The following SGCZ variants were observed in gnomAD, a reference collection of about 807,000 sequenced individuals.
SGCZ encodes zeta-sarcoglycan.
Under a neutral mutation model 41.3 loss-of-function variants are expected in SGCZ, and 40 were observed. The observed-to-expected ratio is 0.97, with a 90% confidence interval of 0.75 to 1.26. SGCZ has a LOEUF of 1.26. Among genes scored for constraint, SGCZ ranks in the 50% most tolerant of loss-of-function variants. The pLI is 0.00. For missense variants in SGCZ, 552 were observed against 369.8 expected, an observed-to-expected ratio of 1.49 and a Z score of -4.04; for synonymous variants, 206 against 137.5, an observed-to-expected ratio of 1.50 and a Z score of -3.49.
intron 1 of SGCZ, among the ~76,000 whole-genome samples, chr8:14,767,988 C>G (rs1388374567): frequency 6.6e-6 from 1 of 152,114 alleles, no homozygotes; most frequent in South Asian, 2.1e-4. Context: ...GATCCCAGTC[C>G]TCCATGTAAT....
intron 1 of SGCZ, among the ~76,000 whole-genome samples, chr8:15,032,145 A>G (rs1803695587): frequency 6.6e-6 from 1 of 152,160 alleles, no homozygotes; most frequent in African/African-American, 2.4e-5. Flanking sequence ...GTCTTCAGAC[A>G]TCAGTGAGAT....
rs137934797 is a variant in SGCZ, at chr8:14,212,001, T to C, written c.424+25591A>G. ...GAATGGGAACCCCTTCTTTGAATGA[T>C]CTGTCCCATCCCTAAGATAGTGACT... On this transcript the variant is annotated intron_variant, in intron 4 of 7. Transcript: ENST00000382080. 4.8e-3 allele frequency among the ~76,000 whole-genome samples: 737 copies of C among 152,280 alleles called. 2 individuals are homozygous for C. Among genetic ancestry groups the C allele is most frequent in the Middle Eastern group, 0.017 (5 of 294 alleles).
chr8:14,291,677 A>G (rs13271601), intron 3 of SGCZ, among the ~76,000 whole-genome samples: 110,086 of 141,220 alleles, frequency 0.78, 40,271 homozygotes, highest in African/African-American at 0.81. Context: ...CTTTATTCGG[A>G]AACATATATA....
chr8:14,595,001 A>G (rs77265310), intron 1 of SGCZ, among the ~76,000 whole-genome samples: 3,969 of 151,974 alleles, frequency 0.026, 207 homozygotes, highest in African/African-American at 0.089. Flanking sequence ...TATATATTTT[A>G]TATTTTTTTC....
chr8:14,896,926 T>C (rs1032315781), intron 1 of SGCZ, among the ~76,000 whole-genome samples: 7 of 151,864 alleles, frequency 4.6e-5, no homozygotes, highest in South Asian at 2.1e-4. Context: ...GGATTACAGG[T>C]GAGCGCCACC....
chr8:15,011,524 T>G (rs1802827012), intron 1 of SGCZ, among the ~76,000 whole-genome samples: 1 of 152,224 alleles, frequency 6.6e-6, no homozygotes, highest in South Asian at 2.1e-4. Context: ...TAAGTTTACC[T>G]CATTCATAAG....
chr8:14,548,229 CA>C (rs34700067), intron 2 of SGCZ, among the ~76,000 whole-genome samples: 1 of 151,996 alleles, frequency 6.6e-6, no homozygotes, highest in Non-Finnish European at 1.5e-5. Context: ...AGGACTTGGA[CA>C]AAAAGGTATA....
chr8:14,269,990 T>A (rs541492066), intron 3 of SGCZ, among the ~76,000 whole-genome samples: 8 of 152,180 alleles, frequency 5.3e-5, no homozygotes, highest in South Asian at 2.1e-4. Flanking sequence ...ATAAGTGGAA[T>A]AAATATTTGA....
intron 2 of SGCZ, among the ~76,000 whole-genome samples, chr8:14,440,029 C>T (rs1350992608): frequency 1.3e-5 from 2 of 151,758 alleles, no homozygotes; most frequent in Non-Finnish European, 2.9e-5. Flanking sequence ...TAAATTTAAC[C>T]TTAAAAACAT....
intron 3 of SGCZ, among the ~76,000 whole-genome samples, chr8:14,293,940 G>C (rs1800928297): frequency 1.3e-5 from 2 of 151,662 alleles, no homozygotes; most frequent in Admixed American, 6.6e-5. Flanking sequence ...GTGGTATCAA[G>C]TCAAGACATA....
intron 5 of SGCZ, among the ~76,000 whole-genome samples, chr8:14,153,570 C>G (rs1803778809): frequency 6.6e-6 from 1 of 152,114 alleles, no homozygotes; most frequent in Non-Finnish European, 1.5e-5. Flanking sequence ...CTTTAGGATT[C>G]TCTTTCATTT....
At chr8:14,655,947 A>C (rs940202945) in intron 1 of SGCZ, among the ~76,000 whole-genome samples, 1 of 151,954 alleles carries the variant, frequency 6.6e-6, no homozygotes, top group Non-Finnish European at 1.5e-5. Context: ...GCTCCTTTTT[A>C]TTGCTGAAGA....
intron 2 of SGCZ, among the ~76,000 whole-genome samples, chr8:14,414,952 G>C (rs561977184): frequency 6.6e-6 from 1 of 151,928 alleles, no homozygotes. Context: ...GGCACTTCAA[G>C]AAAATCACTT....
At chr8:14,295,333 T>G (rs764569298) in intron 3 of SGCZ, among the ~76,000 whole-genome samples, 4 of 152,174 alleles carry the variant, frequency 2.6e-5, no homozygotes, top group Non-Finnish European at 4.4e-5. Context: ...GTAGCCAGTC[T>G]CAAAGGCTAC....
chr8:15,046,611 C>T (rs117512751), intron 1 of SGCZ, among the ~76,000 whole-genome samples: 5,873 of 151,956 alleles, frequency 0.039, 143 homozygotes, highest in Non-Finnish European at 0.056. Flanking sequence ...ATGCCCCAGT[C>T]CAAGAGTCAT....
chr8:14,988,056 A>G (rs561621820), intron 1 of SGCZ, among the ~76,000 whole-genome samples: 4 of 152,156 alleles, frequency 2.6e-5, no homozygotes, highest in African/African-American at 7.2e-5. Context: ...TTTAAGGTAT[A>G]ACCAGATAGG....
At position 14,475,642 on chromosome 8, in the gene SGCZ, C is replaced by G. The variant is rs546284055; in HGVS notation, c.234+79090G>C. 4.6e-5 allele frequency among the ~76,000 whole-genome samples: 7 copies of G among 152,062 alleles called. No homozygotes were observed. The South Asian group carries it at 1.0e-3, about 23-fold the overall frequency. On this transcript the variant is annotated intron_variant, in intron 2 of 7. Coordinates refer to ENST00000382080, the MANE Select transcript of SGCZ (RefSeq NM_139167.4). Reference sequence around the variant, plus strand: ...TGCTATAAATTGTTGGAGATAAAACCAAATTTCTATCCAAATCTTTCAGAA... The same window carrying G: ...TGCTATAAATTGTTGGAGATAAAACGAAATTTCTATCCAAATCTTTCAGAA...
chr8:14,316,595 C>T (rs1335321661), intron 3 of SGCZ, among the ~76,000 whole-genome samples: 1 of 151,824 alleles, frequency 6.6e-6, no homozygotes, highest in South Asian at 2.1e-4. Context: ...TCTTTCAACC[C>T]GGAAACACTT....
intron 2 of SGCZ, among the ~76,000 whole-genome samples, chr8:14,332,840 A>G (rs1802384779): frequency 6.6e-6 from 1 of 151,096 alleles, no homozygotes; most frequent in Non-Finnish European, 1.5e-5. Context: ...GCATATATAT[A>G]GTGTGTGTAT....
Sources: allele counts gnomAD v4.1 joint callset (sites outside exome capture counted in the v4.1 genomes callset), GRCh38; gene constraint gnomAD v4.1.1; transcripts MANE v1.5; gene names NCBI Gene and HGNC (gene_info 2026-07-23, HGNC 2026-07-21).